Variants in PUM3 observed in about 807,000 individuals in gnomAD.
PUM3 encodes pumilio homolog 3.
In PUM3, 91 loss-of-function variants were observed where a neutral mutation model predicts 84.0. That is an observed-to-expected ratio of 1.08 (90% CI 0.91 to 1.29). PUM3 has a LOEUF of 1.29. PUM3 is among the 50% of genes most tolerant of loss of function. The probability of loss-of-function intolerance (pLI) is 0.00; values close to 1 mark genes in which losing one functional copy is unlikely to be tolerated. For synonymous variants in PUM3, 321 were observed against 266.7 expected (o/e 1.20, Z -1.98); for missense variants, 1,067 against 767.5 (o/e 1.39, Z -4.61).
chr9:2,811,305 A>C, intron 15 of PUM3, 56 bp downstream of exon 15: 1 of 1,542,876 alleles, frequency 6.5e-7, no homozygotes, highest in Non-Finnish European at 8.9e-7. Flanking sequence ...ATCGTCCAAA[A>C]ACGAAGTTTT....
chr9:2,807,697 A>T, intron 17 of PUM3, 117 bp downstream of exon 17: 1 of 627,234 alleles, frequency 1.6e-6, no homozygotes, highest in Non-Finnish European at 2.8e-6. Flanking sequence ...ACCATGAGTG[A>T]CTGGGAGTAA....
intron 7 of PUM3, 84 bp from the exon 8 acceptor site, chr9:2,830,032 C>T (rs1430139311): frequency 3.3e-6 from 4 of 1,205,582 alleles, no homozygotes; most frequent in South Asian, 1.4e-5. Flanking sequence ...TCTCCCAAGA[C>T]CAACTCATCA....
At chr9:2,818,744 G>C (rs981384812) in intron 13 of PUM3, among the ~76,000 whole-genome samples, 1 of 152,152 alleles carries the variant, frequency 6.6e-6, no homozygotes, top group African/African-American at 2.4e-5. Flanking sequence ...CCCAAAGAAA[G>C]TCATCACAAT....
chr9:2,838,461 G>T lies in PUM3; in HGVS notation c.47C>A (p.Thr16Lys). ...ATGAAATCTGTTTTTTTCTTGTGCT[G>T]TCTTTGTACTCTTTCCTGTGAATTG... Reference protein sequence around the residue: ...KKQFTGKSTKTAQEKNRFHKN... With the variant: ...KKQFTGKSTKKAQEKNRFHKN... Residue 16 changes from threonine (T) to lysine (K), a missense_variant, in exon 2 of 18, where the codon ACA (threonine) becomes AAA (lysine). Coordinates refer to ENST00000397885, the MANE Select transcript of PUM3 (RefSeq NM_014878.5). The T allele has an allele frequency of 6.2e-7, 1 of 1,613,190 alleles. No homozygotes were observed. The highest frequency in any genetic ancestry group is 8.5e-7 in the Non-Finnish European group (1 of 1,179,364).
intron 12 of PUM3, among the ~76,000 whole-genome samples, chr9:2,821,583 G>C (rs900573094): frequency 9.9e-5 from 15 of 152,054 alleles, no homozygotes; most frequent in African/African-American, 2.7e-4. Context: ...TTATCCTATG[G>C]GTGATGGTGA....
chr9:2,843,727 C>T (rs1430523898), intron 1 of PUM3, among the ~76,000 whole-genome samples: 1 of 151,924 alleles, frequency 6.6e-6, no homozygotes, highest in Admixed American at 6.6e-5. Flanking sequence ...CACAGGCGCC[C>T]GCCACCATGC....
chr9:2,844,000 G>A (rs892439219), intron 1 of PUM3, 45 bp downstream of exon 1: 12 of 154,206 alleles, frequency 7.8e-5, no homozygotes, highest in East Asian at 5.7e-4. Flanking sequence ...GCCCGGCAGG[G>A]TGCGAACCCC....
chr9:2,821,574 T>C (rs1379732304), intron 12 of PUM3, among the ~76,000 whole-genome samples: 1 of 152,178 alleles, frequency 6.6e-6, no homozygotes, highest in Non-Finnish European at 1.5e-5. Flanking sequence ...AAATGCCATT[T>C]ATCCTATGGG....
intron 10 of PUM3, among the ~76,000 whole-genome samples, chr9:2,826,191 G>A (rs1003953430): frequency 6.6e-6 from 1 of 151,508 alleles, no homozygotes; most frequent in Admixed American, 6.6e-5. Context: ...AGTTCCAAAT[G>A]ATTTTTTGCT....
At chr9:2,818,080 G>C (rs146516132) in intron 13 of PUM3, among the ~76,000 whole-genome samples, 4 of 152,314 alleles carry the variant, frequency 2.6e-5, no homozygotes, top group African/African-American at 9.6e-5. Context: ...CTGGTGCCCT[G>C]AACAGAGTGC....
At chr9:2,819,295 T>A (rs1156691546) in intron 13 of PUM3, among the ~76,000 whole-genome samples, 1 of 152,198 alleles carries the variant, frequency 6.6e-6, no homozygotes, top group East Asian at 1.9e-4. Flanking sequence ...GAATGCAATT[T>A]TTACTTTGGA....
In PUM3 at chr9:2,804,466, G is replaced by A; in HGVS notation, c.1815-3C>T. 1 of 1,606,818 alleles carries A rather than the reference G, an allele frequency of 6.2e-7. No individual in the cohort carries two copies. The highest frequency in any genetic ancestry group is 8.5e-7 in the Non-Finnish European group (1 of 1,177,628). ...CCAGGTCACAACTCTGGAGGAGGCT[G>A]AAGAGAGGAAAAAAATTAAATTTCA... On this transcript the variant is annotated splice_polypyrimidine_tract_variant and splice_region_variant and intron_variant, in intron 17 of 17. Coordinates refer to ENST00000397885, the MANE Select transcript of PUM3 (RefSeq NM_014878.5).
chr9:2,815,136 C>T (rs1336191475), intron 13 of PUM3, among the ~76,000 whole-genome samples: 3 of 152,028 alleles, frequency 2.0e-5, no homozygotes, highest in East Asian at 1.9e-4. Flanking sequence ...AATCTAAATT[C>T]GTATTTAATT....
intron 14 of PUM3, among the ~76,000 whole-genome samples, chr9:2,811,831 G>C (rs183434008): frequency 7.8e-4 from 109 of 140,588 alleles, no homozygotes; most frequent in African/African-American, 2.9e-3. Flanking sequence ...AGTCTGACTT[G>C]TGTAATACCA....
At chr9:2,828,649 G>T in intron 9 of PUM3, 26 bp downstream of exon 9, 1 of 1,365,270 alleles carries the variant, frequency 7.3e-7, no homozygotes, top group Non-Finnish European at 1.0e-6. Flanking sequence ...CATTTCTTAA[G>T]AACAAAACAA....
At chr9:2,826,746 G>C (rs917975833) in intron 10 of PUM3, among the ~76,000 whole-genome samples, 5 of 151,860 alleles carry the variant, frequency 3.3e-5, no homozygotes, top group African/African-American at 1.2e-4. Flanking sequence ...TAGCACAGTT[G>C]AATTTAAAAC....
rs533799762 is a variant in PUM3 at position 2,829,780 on chromosome 9, A to C, written c.846T>G (p.Leu282=). The change falls in exon 8 of 18, where the codon CTT becomes CTG. Residue 282 remains leucine (L), a synonymous_variant. Coordinates refer to ENST00000397885, the MANE Select transcript of PUM3 (RefSeq NM_014878.5). ...AGACTTCTGGAGATGTCACCTTGTAAAGCTGAAATGTGTTCCCATAGAGCT... is the reference window on the plus strand; with the variant it reads ...AGACTTCTGGAGATGTCACCTTGTACAGCTGAAATGTGTTCCCATAGAGCT... ...TEELYGNTFQ[L]YKSADHRTLD... The C allele has an allele frequency of 6.2e-7, 1 of 1,607,656 alleles. No homozygotes were observed. The highest frequency in any genetic ancestry group is 1.1e-5 in the South Asian group (1 of 90,084).
intron 17 of PUM3, 28 bp downstream of exon 17, chr9:2,807,786 C>T (rs1415972032): frequency 9.0e-6 from 13 of 1,449,206 alleles, no homozygotes; most frequent in Non-Finnish European, 1.3e-5. Context: ...CCAGGCCCTG[C>T]TCAGAGAAGG....
At chr9:2,835,150 C>T (rs556074467) in intron 3 of PUM3, among the ~76,000 whole-genome samples, 13 of 152,266 alleles carry the variant, frequency 8.5e-5, no homozygotes, top group South Asian at 2.1e-4. Context: ...CAGTGGCTCA[C>T]GCCTATAATC....
Sources: allele counts gnomAD v4.1 joint callset (sites outside exome capture counted in the v4.1 genomes callset), GRCh38; gene constraint gnomAD v4.1.1; transcripts MANE v1.5; gene names NCBI Gene and HGNC (gene_info 2026-07-23, HGNC 2026-07-21).